Variants in TRAPPC9 observed in about 807,000 individuals in gnomAD.
The protein encoded by TRAPPC9 is trafficking protein particle complex subunit 9, also known as IKK2 binding protein.
Under a neutral mutation model 124.0 loss-of-function variants are expected in TRAPPC9, and 83 were observed. The observed-to-expected ratio is 0.67, with a 90% CI of 0.56 to 0.80. The LOEUF (loss-of-function observed/expected upper bound fraction) is 0.80, where lower values mean the gene tolerates loss of function less well. TRAPPC9 is among the 30% of genes least tolerant of loss of function. The pLI is 0.00. For missense variants in TRAPPC9, 1,302 were observed against 1,508.3 expected, an observed-to-expected ratio of 0.86 and a Z score of 2.27; for synonymous variants, 638 against 617.5, an observed-to-expected ratio of 1.03 and a Z score of -0.49.
chr8:140,451,294 G>C lies in TRAPPC9; in HGVS notation c.80C>G (p.Ser27Cys), dbSNP rs1266486546. The change falls in exon 2 of 23, where the codon TCC becomes TGC. Residue 27 changes from serine (S) to cysteine (C), a missense_variant. Physicochemically the swap from Ser to Cys is moderately radical, Grantham distance 112 (BLOSUM62 -1). Around this residue, in one of 3 missense-constraint regions of TRAPPC9, gnomAD observed 657 missense variants for 811.2 expected, o/e 0.81. Coordinates refer to ENST00000438773, the MANE Select transcript of TRAPPC9 (RefSeq NM_001160372.4). The part of the protein sequence containing the change: ...LVVVQPVGIV[S>C]EENFFRIYKR... ...ATAGATCCTGAAGAAGTTCTCCTCG[G>C]AGACGATGCCCACAGGCTGGACCAC... is the stretch of plus-strand genomic sequence containing the variant. The C allele has an allele frequency of 1.2e-6, 2 of 1,609,938 alleles. No individual in the cohort carries two copies. Among genetic ancestry groups the C allele is most frequent in the African/African-American group, 2.7e-5 (2 of 74,948 alleles).
chr8:139,787,409 G>A (rs540757910), intron 21 of TRAPPC9, among the ~76,000 whole-genome samples: 1 of 152,244 alleles, frequency 6.6e-6, no homozygotes, highest in South Asian at 2.1e-4. Flanking sequence ...TTAAGGATGA[G>A]GACCTGGGGT....
At chr8:140,183,680 A>G (rs1458292703) in intron 17 of TRAPPC9, among the ~76,000 whole-genome samples, 3 of 151,822 alleles carry the variant, frequency 2.0e-5, no homozygotes, top group Non-Finnish European at 4.4e-5. Flanking sequence ...CCAAATGGTG[A>G]AACGTCTCTA....
At chr8:139,948,875 G>A (rs1028713580) in intron 19 of TRAPPC9, among the ~76,000 whole-genome samples, 9 of 152,104 alleles carry the variant, frequency 5.9e-5, no homozygotes, top group Middle Eastern at 3.2e-3. Context: ...TCAGGAGTTC[G>A]AGACCAGCCT....
Position 140,418,767 on chromosome 8 carries a change from T to C in TRAPPC9, c.886+7848A>G, listed in dbSNP as rs796791787. Reference sequence around the variant, plus strand: ...ATAGATAGATAGATAGATAGATAGATAGATAGACAGACAGACAGACAGATG... The same window carrying C: ...ATAGATAGATAGATAGATAGATAGACAGATAGACAGACAGACAGACAGATG... On this transcript the variant is annotated intron_variant, in intron 5 of 22. Transcript: ENST00000438773. Among the ~76,000 whole-genome samples the C allele has an allele frequency of 5.9e-3, 848 of 143,344 alleles. 9 individuals carry two copies. The highest frequency in any genetic ancestry group is 0.018 in the African/African-American group (710 of 39,838). 94.0% of individuals were successfully genotyped at this position (143,344 alleles called of 152,430 possible).
At chr8:140,319,215 G>T (rs180948302) in intron 9 of TRAPPC9, among the ~76,000 whole-genome samples, 1 of 128,720 alleles carries the variant, frequency 7.8e-6, no homozygotes, top group African/African-American at 3.0e-5. Flanking sequence ...TTGCTCTGTC[G>T]CCCAGGCTGG....
chr8:140,050,397 G>A (rs900872711), intron 17 of TRAPPC9, among the ~76,000 whole-genome samples: 2 of 152,172 alleles, frequency 1.3e-5, no homozygotes, highest in African/African-American at 2.4e-5. Flanking sequence ...CATCTCATGC[G>A]GTTCTCACAA....
At chr8:139,848,283 C>G (rs955849409) in intron 21 of TRAPPC9, among the ~76,000 whole-genome samples, 4 of 152,238 alleles carry the variant, frequency 2.6e-5, no homozygotes, top group African/African-American at 4.8e-5. Flanking sequence ...CCTGCAAACA[C>G]TGCAGATAAA....
chr8:139,866,813 C>A (rs1265916405), intron 21 of TRAPPC9, among the ~76,000 whole-genome samples: 2 of 151,914 alleles, frequency 1.3e-5, no homozygotes, highest in Non-Finnish European at 2.9e-5. Flanking sequence ...TGTCTATTTC[C>A]CAGCTCCATC....
At chr8:140,161,859 A>G (rs1169272925) in intron 17 of TRAPPC9, among the ~76,000 whole-genome samples, 2 of 152,134 alleles carry the variant, frequency 1.3e-5, no homozygotes, top group Non-Finnish European at 2.9e-5. Flanking sequence ...CTACAGATGC[A>G]GAGCAGGCCA....
chr8:140,150,891 T>C (rs777406208), intron 17 of TRAPPC9, among the ~76,000 whole-genome samples: 12 of 152,088 alleles, frequency 7.9e-5, no homozygotes, highest in Non-Finnish European at 1.3e-4. Context: ...ACAAAAGAAG[T>C]ATGTTTGTTT....
At chr8:140,419,751 T>C (rs1588320784) in intron 5 of TRAPPC9, among the ~76,000 whole-genome samples, 1 of 151,808 alleles carries the variant, frequency 6.6e-6, no homozygotes, top group East Asian at 1.9e-4. Context: ...CCGGGCGTGG[T>C]GGCGGGCGCC....
intron 17 of TRAPPC9, among the ~76,000 whole-genome samples, chr8:140,156,851 T>C (rs540067564): frequency 6.6e-6 from 1 of 152,320 alleles, no homozygotes; most frequent in Non-Finnish European, 1.5e-5. Context: ...AAAAATTTAA[T>C]GCAAGAAGGG....
chr8:140,340,178 A>G (rs538742448), intron 9 of TRAPPC9, among the ~76,000 whole-genome samples: 3 of 152,366 alleles, frequency 2.0e-5, no homozygotes, highest in African/African-American at 7.2e-5. Context: ...TAAATTGGTC[A>G]GTTAAAGATT....
chr8:140,284,345 T>G (rs773485746), intron 13 of TRAPPC9, among the ~76,000 whole-genome samples: 1 of 152,238 alleles, frequency 6.6e-6, no homozygotes, highest in African/African-American at 2.4e-5. Context: ...CTCATTTGCT[T>G]TTCAGATTTA....
At chr8:140,331,735 T>A (rs2066899748) in intron 9 of TRAPPC9, among the ~76,000 whole-genome samples, 1 of 152,082 alleles carries the variant, frequency 6.6e-6, no homozygotes, top group East Asian at 1.9e-4. Context: ...ACAATGCTCA[T>A]CACTAATCAT....
intron 7 of TRAPPC9, among the ~76,000 whole-genome samples, chr8:140,380,420 G>A (rs185679683): frequency 1.6e-4 from 24 of 152,166 alleles, no homozygotes; most frequent in East Asian, 7.7e-4. Context: ...TTGGGAGGCC[G>A]GGGTGGGTGG....
chr8:139,962,747 T>A lies in TRAPPC9; in HGVS notation c.2810+25979A>T, dbSNP rs36169124. On this transcript the variant is annotated intron_variant, in intron 19 of 22. Coordinates refer to ENST00000438773, the MANE Select transcript of TRAPPC9 (RefSeq NM_001160372.4). ...AAGAACCCACCAGAGCTCCCTCCCC[T>A]GTCAGCTCAGGGAGGCCCAGCATCA... 3.3e-5 allele frequency among the ~76,000 whole-genome samples: 4 copies of A among 122,308 alleles called. 1 individual carries two copies. Among genetic ancestry groups the A allele is most frequent in the South Asian group, 5.6e-4 (2 of 3,560 alleles). The allele number at this position is 122,308 out of a possible 152,430, so 80.2% of individuals were successfully genotyped here.
At chr8:140,423,349 A>G (rs2070288608) in intron 5 of TRAPPC9, among the ~76,000 whole-genome samples, 1 of 152,106 alleles carries the variant, frequency 6.6e-6, no homozygotes, top group Admixed American at 6.5e-5. Flanking sequence ...CTGAAGCAGG[A>G]GAATCGCTTG....
chr8:140,157,388 A>AG (rs2061672501), intron 17 of TRAPPC9, among the ~76,000 whole-genome samples: 8 of 151,558 alleles, frequency 5.3e-5, no homozygotes, highest in Admixed American at 6.6e-5. Context: ...TTTTCCATTC[A>AG]AAAGCCTTCC....
Sources: gnomAD v4.1 joint callset for allele counts (sites outside exome capture counted in the v4.1 genomes callset) on GRCh38, gnomAD v4.1.1 for gene constraint, gnomAD v4.1.1 regional missense constraint, MANE v1.5 for transcripts, NCBI Gene and HGNC (gene_info 2026-07-23, HGNC 2026-07-21) for gene names.